CHKA: variants seen among roughly 807,000 people sequenced by gnomAD.
The protein encoded by CHKA is choline kinase alpha.
CHKA carries 34 observed loss-of-function variants against 60.1 expected under a neutral mutation model. The ratio of observed to expected loss-of-function variants is 0.57; its 90% confidence interval spans 0.43 to 0.75. The LOEUF (loss-of-function observed/expected upper bound fraction) is 0.75. Ranked by LOEUF, CHKA falls within the 30% of genes least tolerant of loss-of-function variation. CHKA has a pLI of 0.00. For missense variants in CHKA, 563 were observed against 561.3 expected (o/e 1.00, Z -0.03); for synonymous variants, 217 against 223.1 (o/e 0.97, Z 0.24).
intron 1 of CHKA, among the ~76,000 whole-genome samples, chr11:68,104,489 C>T (rs1447948209): frequency 6.6e-6 from 1 of 151,948 alleles, no homozygotes; most frequent in African/African-American, 2.4e-5. Context: ...GGTGCAATCT[C>T]GGCTCACCGC....
intron 3 of CHKA, among the ~76,000 whole-genome samples, chr11:68,080,540 G>T (rs1197951975): frequency 6.6e-6 from 1 of 152,026 alleles, no homozygotes; most frequent in East Asian, 1.9e-4. Flanking sequence ...TAGAGACGGG[G>T]TTTCACCTTG....
chr11:68,106,556 A>G (rs1857923107), intron 1 of CHKA, among the ~76,000 whole-genome samples: 1 of 152,038 alleles, frequency 6.6e-6, no homozygotes, highest in African/African-American at 2.4e-5. Context: ...GCCTCCAAAA[A>G]AAAAAAAAGA....
chr11:68,109,126 GT>G (rs1282541911), intron 1 of CHKA, among the ~76,000 whole-genome samples: 1 of 110,464 alleles, frequency 9.1e-6, no homozygotes, highest in East Asian at 2.7e-4. Context: ...GTCTCGCTCT[GT>G]CCCCCAGGCA....
At chr11:68,073,376 G>A (rs576355532) in intron 4 of CHKA, among the ~76,000 whole-genome samples, 7 of 152,118 alleles carry the variant, frequency 4.6e-5, no homozygotes, top group Admixed American at 2.0e-4. Context: ...CATCTCGGCC[G>A]GGCGCGGTGG....
intron 3 of CHKA, among the ~76,000 whole-genome samples, chr11:68,080,275 A>G (rs546445104): frequency 6.6e-6 from 1 of 152,342 alleles, no homozygotes; most frequent in East Asian, 1.9e-4. Flanking sequence ...AAGCCGCTGA[A>G]AAGTGTGGAA....
intron 2 of CHKA, among the ~76,000 whole-genome samples, chr11:68,086,465 T>C (rs1857180798): frequency 6.6e-6 from 1 of 152,234 alleles, no homozygotes; most frequent in African/African-American, 2.4e-5. Flanking sequence ...ATAGCAGGTA[T>C]ATTTCTTTTA....
At chr11:68,110,717 G>A (rs780620088) in intron 1 of CHKA, among the ~76,000 whole-genome samples, 3 of 152,162 alleles carry the variant, frequency 2.0e-5, no homozygotes, top group Admixed American at 6.5e-5. Flanking sequence ...TTACAGGGAA[G>A]CCAGGCACAG....
intron 2 of CHKA, among the ~76,000 whole-genome samples, chr11:68,087,738 G>C (rs905390573): frequency 6.6e-6 from 1 of 152,068 alleles, no homozygotes; most frequent in African/African-American, 2.4e-5. Flanking sequence ...TCAGCTTACT[G>C]TCTCTTTTAA....
intron 7 of CHKA, among the ~76,000 whole-genome samples, chr11:68,066,868 C>T (rs951246764): frequency 6.6e-6 from 1 of 152,214 alleles, no homozygotes; most frequent in Non-Finnish European, 1.5e-5. Context: ...GCTAGCCAAA[C>T]ACCACCCTCA....
intron 11 of CHKA, among the ~76,000 whole-genome samples, chr11:68,056,924 G>A (rs988753183): frequency 2.6e-5 from 4 of 152,130 alleles, no homozygotes; most frequent in Non-Finnish European, 4.4e-5. Flanking sequence ...AATTGAACCC[G>A]AGGGGAACGT....
chr11:68,071,755 G>A (rs1182008956), intron 4 of CHKA, among the ~76,000 whole-genome samples: 1 of 152,152 alleles, frequency 6.6e-6, no homozygotes, highest in African/African-American at 2.4e-5. Context: ...CTATCAAATG[G>A]GAATCAGGAC....
intron 2 of CHKA, among the ~76,000 whole-genome samples, chr11:68,090,318 G>A (rs549242929): frequency 2.0e-5 from 3 of 152,120 alleles, no homozygotes; most frequent in Non-Finnish European, 2.9e-5. Flanking sequence ...AAGTATAAGG[G>A]AATTTTTTTA....
chr11:68,097,769 G>C (rs1438338388), intron 1 of CHKA, among the ~76,000 whole-genome samples: 1 of 152,018 alleles, frequency 6.6e-6, no homozygotes, highest in Non-Finnish European at 1.5e-5. Flanking sequence ...TTTTGACTAG[G>C]AGCTTGTTCA....
intron 3 of CHKA, among the ~76,000 whole-genome samples, chr11:68,075,494 C>T (rs1053170400): frequency 6.6e-6 from 1 of 152,122 alleles, no homozygotes; most frequent in Non-Finnish European, 1.5e-5. Flanking sequence ...TGGGATCTAT[C>T]ATCATTTTGC....
At chr11:68,114,863 G>A (rs1455592677) in intron 1 of CHKA, among the ~76,000 whole-genome samples, 1 of 152,162 alleles carries the variant, frequency 6.6e-6, no homozygotes, top group Non-Finnish European at 1.5e-5. Flanking sequence ...AAAGACCAGT[G>A]ATTGGCTGGG....
chr11:68,102,077 G>A (rs1436737893), intron 1 of CHKA, among the ~76,000 whole-genome samples: 2 of 150,292 alleles, frequency 1.3e-5, no homozygotes, highest in Non-Finnish European at 3.0e-5. Flanking sequence ...TCCAGCCTGG[G>A]TGACAGAGCA....
rs371890534 is a variant in CHKA at position 68,112,821 on chromosome 11, G to A, written c.350+8007C>T. Reference sequence around the variant, plus strand: ...GCAGGTGCCTGGCACGGTGGTTCATGCCTGTAATCCCAGCACTTCGGGAGG... The same window carrying A: ...GCAGGTGCCTGGCACGGTGGTTCATACCTGTAATCCCAGCACTTCGGGAGG... On this transcript the variant is annotated intron_variant, in intron 1 of 11. Transcript: ENST00000265689. 5.3e-5 allele frequency among the ~76,000 whole-genome samples: 8 copies of A among 152,256 alleles called. No homozygotes were observed. The Middle Eastern group carries it at 0.027, about 518-fold the overall frequency.
intron 1 of CHKA, among the ~76,000 whole-genome samples, chr11:68,104,084 G>GT (rs1857826291): frequency 6.6e-6 from 1 of 152,148 alleles, no homozygotes; most frequent in South Asian, 2.1e-4. Context: ...TAGAATAAAT[G>GT]TAAGTGTCCA....
At chr11:68,077,085 T>A (rs928544325) in intron 3 of CHKA, among the ~76,000 whole-genome samples, 16 of 151,844 alleles carry the variant, frequency 1.1e-4, no homozygotes, top group African/African-American at 3.9e-4. Context: ...CAAAAAAGTA[T>A]AAAAACTATC....
Sources: allele counts gnomAD v4.1 joint callset (sites outside exome capture counted in the v4.1 genomes callset), GRCh38; gene constraint gnomAD v4.1.1; transcripts MANE v1.5; gene names NCBI Gene and HGNC (gene_info 2026-07-23, HGNC 2026-07-21).